The following NDUFS4 variants were observed in gnomAD, a reference collection of about 807,000 sequenced individuals.
NDUFS4 encodes NADH dehydrogenase [ubiquinone] iron-sulfur protein 4, mitochondrial.
Under a neutral mutation model 24.3 loss-of-function variants are expected in NDUFS4, and 28 were observed. That is an observed-to-expected ratio of 1.15 (90% CI 0.85 to 1.58). The LOEUF (loss-of-function observed/expected upper bound fraction) is 1.58. Ranked by LOEUF, NDUFS4 falls within the 40% of genes most tolerant of loss-of-function variation. The pLI is 0.00. For missense variants in NDUFS4, 223 were observed against 207.9 expected (o/e 1.07, Z -0.45); for synonymous variants, 93 against 69.7 (o/e 1.34, Z -1.67).
At chr5:53,598,093 A>G (rs1234012153) in intron 1 of NDUFS4, among the ~76,000 whole-genome samples, 1 of 152,214 alleles carries the variant, frequency 6.6e-6, no homozygotes, top group Non-Finnish European at 1.5e-5. Flanking sequence ...AATCCAAAAT[A>G]CTGACCACAC....
chr5:53,677,607 C>G (rs1226841483), intron 4 of NDUFS4, among the ~76,000 whole-genome samples: 1 of 151,920 alleles, frequency 6.6e-6, no homozygotes, highest in African/African-American at 2.4e-5. Context: ...TTTCTTTTCT[C>G]CTTCTTAAAA....
intron 1 of NDUFS4, 117 bp from the exon 2 acceptor site, chr5:53,603,334 TC>T: frequency 1.0e-5 from 7 of 687,922 alleles, no homozygotes; most frequent in Non-Finnish European, 1.6e-5. Context: ...TTCTTTCCTT[TC>T]CTTTTTTTTT....
intron 2 of NDUFS4, among the ~76,000 whole-genome samples, chr5:53,630,408 C>G (rs570539972): frequency 6.6e-6 from 1 of 151,980 alleles, no homozygotes; most frequent in South Asian, 2.1e-4. Context: ...TGTATTTCCT[C>G]AACTTGAATG....
intron 4 of NDUFS4, among the ~76,000 whole-genome samples, chr5:53,662,105 C>T (rs1271231874): frequency 6.6e-6 from 1 of 152,174 alleles, no homozygotes; most frequent in Non-Finnish European, 1.5e-5. Flanking sequence ...CCAGTTCTTG[C>T]CCATTCAGTA....
intron 2 of NDUFS4, among the ~76,000 whole-genome samples, chr5:53,607,261 C>G (rs978226857): frequency 1.3e-5 from 2 of 152,194 alleles, no homozygotes; most frequent in Non-Finnish European, 2.9e-5. Context: ...TTGTGCCCAT[C>G]TCTCCTTCCC....
intron 3 of NDUFS4, 34 bp from the exon 4 acceptor site, chr5:53,658,517 T>C (rs777870422): frequency 2.1e-6 from 3 of 1,457,980 alleles, no homozygotes; most frequent in Non-Finnish European, 2.9e-6. Context: ...TAAAGCTTAA[T>C]GTTAAATCTT....
chr5:53,658,573 G>GTTCTAAC lies in NDUFS4; in HGVS notation c.374_380dup (p.Phe128SerfsTer6), dbSNP rs748829913. 1.2e-6 allele frequency: 2 copies of GTTCTAAC among 1,613,312 alleles called. No individual in the cohort carries two copies. The highest frequency in any genetic ancestry group is 1.7e-6 in the Non-Finnish European group (2 of 1,179,610). ...CAGGGCTGATCCCTTATCCAACATGGTTCTAACCTTCAGTACTAAAGAAGA... is the reference window on the plus strand; with the variant it reads ...CAGGGCTGATCCCTTATCCAACATGGTTCTAACTTCTAACCTTCAGTACTAAAGAAGA... On this transcript the variant is annotated frameshift_variant, in exon 4 of 5. Coordinates refer to ENST00000296684, the MANE Select transcript of NDUFS4 (RefSeq NM_002495.4). LOFTEE classifies it high-confidence loss of function.
Position 53,658,546 on chromosome 5 carries a change from T to A in NDUFS4, c.351-5T>A. 1 of 1,612,356 alleles carries A rather than the reference T, an allele frequency of 6.2e-7. No homozygotes were observed. Among genetic ancestry groups the A allele is most frequent in the Non-Finnish European group, 8.5e-7 (1 of 1,178,704 alleles). ...AAATCTTGGAAAAAAATTTGTTTCTTACAGGGCTGATCCCTTATCCAACAT... is the reference window on the plus strand; with the variant it reads ...AAATCTTGGAAAAAAATTTGTTTCTAACAGGGCTGATCCCTTATCCAACAT... On this transcript the variant is annotated splice_region_variant and splice_polypyrimidine_tract_variant and intron_variant, in intron 3 of 4. Transcript: ENST00000296684.
intron 2 of NDUFS4, among the ~76,000 whole-genome samples, chr5:53,645,938 G>T (rs1317420514): frequency 6.6e-6 from 1 of 152,052 alleles, no homozygotes; most frequent in Non-Finnish European, 1.5e-5. Flanking sequence ...AGGCTCTTCT[G>T]CGAGCAAACA....
At chr5:53,664,769 G>A (rs1752461954) in intron 4 of NDUFS4, among the ~76,000 whole-genome samples, 2 of 152,014 alleles carry the variant, frequency 1.3e-5, no homozygotes, top group Admixed American at 6.6e-5. Context: ...CTTTGCCATG[G>A]TTTCAAACTT....
chr5:53,644,056 C>A (rs1751776444), intron 2 of NDUFS4, among the ~76,000 whole-genome samples: 1 of 152,100 alleles, frequency 6.6e-6, no homozygotes, highest in Non-Finnish European at 1.5e-5. Flanking sequence ...TACTTTGTAG[C>A]TCAAATACTG....
chr5:53,579,190 A>AT (rs144479936), intron 1 of NDUFS4, among the ~76,000 whole-genome samples: 14,163 of 152,260 alleles, frequency 0.093, 785 homozygotes, highest in Middle Eastern at 0.13. Context: ...TTCAGAATAC[A>AT]TTATCTTTTG....
intron 2 of NDUFS4, chr5:53,604,954 G>A (rs1750452150): frequency 2.3e-6 from 1 of 443,862 alleles, no homozygotes; most frequent in Non-Finnish European, 4.5e-6. Flanking sequence ...GGGCATGGTG[G>A]CTCATGCCTG....
At chr5:53,610,840 A>G (rs1750671217) in intron 2 of NDUFS4, among the ~76,000 whole-genome samples, 1 of 152,114 alleles carries the variant, frequency 6.6e-6, no homozygotes, top group Non-Finnish European at 1.5e-5. Flanking sequence ...TTTTCATACT[A>G]CAGATGTGGT....
chr5:53,628,274 T>G (rs1467499163), intron 2 of NDUFS4, among the ~76,000 whole-genome samples: 1 of 152,286 alleles, frequency 6.6e-6, no homozygotes, highest in East Asian at 1.9e-4. Flanking sequence ...GCTGCTGGAT[T>G]TGGTTTGCTA....
At chr5:53,662,423 G>A (rs1410724208) in intron 4 of NDUFS4, among the ~76,000 whole-genome samples, 1 of 152,080 alleles carries the variant, frequency 6.6e-6, no homozygotes, top group Non-Finnish European at 1.5e-5. Flanking sequence ...TTTTTGCATC[G>A]ATGTTCATCA....
At chr5:53,612,313 C>T (rs750329081) in intron 2 of NDUFS4, among the ~76,000 whole-genome samples, 1 of 151,924 alleles carries the variant, frequency 6.6e-6, no homozygotes, top group Admixed American at 6.6e-5. Flanking sequence ...CTATTAAGCA[C>T]CACCTGTTTT....
chr5:53,566,758 CTG>C (rs1336275033), intron 1 of NDUFS4, among the ~76,000 whole-genome samples: 3 of 151,914 alleles, frequency 2.0e-5, no homozygotes, highest in African/African-American at 7.3e-5. Flanking sequence ...CTGTAAATAA[CTG>C]TTATCCTGTA....
chr5:53,598,985 A>C (rs1425138945), intron 1 of NDUFS4, among the ~76,000 whole-genome samples: 1 of 152,180 alleles, frequency 6.6e-6, no homozygotes, highest in African/African-American at 2.4e-5. Context: ...AAACAAATAG[A>C]TGGACAAAAA....
Sources: allele counts gnomAD v4.1 joint callset (sites outside exome capture counted in the v4.1 genomes callset), GRCh38; gene constraint gnomAD v4.1.1; transcripts MANE v1.5; gene names NCBI Gene and HGNC (gene_info 2026-07-23, HGNC 2026-07-21).